LRGUK: variants seen among roughly 807,000 people sequenced by gnomAD.
LRGUK encodes leucine rich repeats and guanylate kinase domain containing.
Under a neutral mutation model 76.0 loss-of-function variants are expected in LRGUK, and 65 were observed. That is an observed-to-expected ratio of 0.85 (90% CI 0.70 to 1.05). LRGUK has a LOEUF of 1.05. LRGUK is among the 50% of genes least tolerant of loss of function. LRGUK has a pLI of 0.00. For missense variants in LRGUK, 758 were observed against 732.8 expected (o/e 1.03, Z -0.40); for synonymous variants, 268 against 265.6 (o/e 1.01, Z -0.09).
exon 14 of LRGUK, chr7:134,199,376 A>G: frequency 6.2e-7 from 1 of 1,613,822 alleles, no homozygotes; most frequent in Non-Finnish European, 8.5e-7. Flanking sequence ...TTATATTAAA[A>G]TTAATCAGAA....
At chr7:134,183,962 A>G (rs1799871734) in intron 11 of LRGUK, 109 bp downstream of exon 11, 3 of 1,396,342 alleles carry the variant, frequency 2.1e-6, no homozygotes, top group Non-Finnish European at 2.0e-6. Context: ...TATTAATTTT[A>G]AGCAATTTCA....
At chr7:134,188,745 A>G (rs1399963915) in intron 11 of LRGUK, among the ~76,000 whole-genome samples, 1 of 152,138 alleles carries the variant, frequency 6.6e-6, no homozygotes, top group Non-Finnish European at 1.5e-5. Context: ...CTACCCATTG[A>G]TAGAGCTCAC....
Position 134,263,834 on chromosome 7 carries a change from A to G in LRGUK, c.2348-11A>G. On this transcript the variant is annotated splice_polypyrimidine_tract_variant and intron_variant, in intron 19 of 19. Transcript: ENST00000285928. ...AGGGATTAACTATCTTTTTTTCTGA[A>G]TGTTTTACAGCACTACCTATACAAT... 1 of 1,592,630 alleles carries G rather than the reference A, an allele frequency of 6.3e-7. No individual in the cohort carries two copies. Among genetic ancestry groups the G allele is most frequent in the Non-Finnish European group, 8.5e-7 (1 of 1,171,046 alleles).
intron 1 of LRGUK, among the ~76,000 whole-genome samples, chr7:134,136,275 G>A (rs1014976170): frequency 2.6e-5 from 4 of 152,152 alleles, no homozygotes; most frequent in Non-Finnish European, 5.9e-5. Context: ...CTTGGTTCTT[G>A]TGATGTCTAT....
At chr7:134,274,199 G>A in the LRGUK span, among the ~76,000 whole-genome samples, 1 of 152,304 alleles carries the variant, frequency 6.6e-6, no homozygotes, top group East Asian at 1.9e-4. Context: ...TTGAAAGGTA[G>A]ATAATCACAT....
chr7:134,228,230 C>T (rs567261604), intron 16 of LRGUK, among the ~76,000 whole-genome samples: 54 of 152,198 alleles, frequency 3.5e-4, no homozygotes, highest in African/African-American at 1.3e-3. Context: ...TATTGCCAAC[C>T]TAGAATTTTG....
At chr7:134,199,512 C>A in intron 14 of LRGUK, 91 bp downstream of exon 14, 3 of 1,160,152 alleles carry the variant, frequency 2.6e-6, no homozygotes, top group East Asian at 2.4e-5. Context: ...TGGGTAAAAG[C>A]TATTTTTCTT....
chr7:134,186,826 G>C (rs1274608275), intron 11 of LRGUK, among the ~76,000 whole-genome samples: 6 of 152,196 alleles, frequency 3.9e-5, no homozygotes, highest in Non-Finnish European at 7.3e-5. Context: ...TGGCAAAACA[G>C]AATCCTAAAA....
At chr7:134,130,607 G>C (rs146660056) in intron 1 of LRGUK, among the ~76,000 whole-genome samples, 108 of 152,214 alleles carry the variant, frequency 7.1e-4, no homozygotes, top group African/African-American at 2.5e-3. Flanking sequence ...AGAAACATTT[G>C]GAAATTCATG....
At chr7:134,262,542 A>G (rs1487995385) in intron 19 of LRGUK, among the ~76,000 whole-genome samples, 1 of 152,154 alleles carries the variant, frequency 6.6e-6, no homozygotes, top group African/African-American at 2.4e-5. Flanking sequence ...CTGAGATGTA[A>G]TTTAGCTGGT....
chr7:134,152,361 G>T (rs550075404), intron 5 of LRGUK, among the ~76,000 whole-genome samples: 170 of 152,094 alleles, frequency 1.1e-3, no homozygotes, highest in Non-Finnish European at 1.6e-3. Context: ...CTATTTAAGG[G>T]TGTTGAAGAC....
chr7:134,241,521 T>C (rs1802152024), intron 16 of LRGUK, among the ~76,000 whole-genome samples: 1 of 152,208 alleles, frequency 6.6e-6, no homozygotes, highest in African/African-American at 2.4e-5. Context: ...TAAATATATA[T>C]GCAGCCAATA....
chr7:134,146,361 T>C (rs1797969945), intron 4 of LRGUK, among the ~76,000 whole-genome samples: 1 of 152,168 alleles, frequency 6.6e-6, no homozygotes, highest in Non-Finnish European at 1.5e-5. Context: ...ACAGATGTCA[T>C]ACTATGGCAC....
intron 18 of LRGUK, among the ~76,000 whole-genome samples, chr7:134,251,412 C>T (rs191602325): frequency 1.3e-5 from 2 of 152,210 alleles, no homozygotes; most frequent in Non-Finnish European, 1.5e-5. Flanking sequence ...CCTCACAGAC[C>T]CTGGAAGGAA....
At chr7:134,175,127 A>G (rs17167591) in intron 8 of LRGUK, among the ~76,000 whole-genome samples, 24,298 of 152,134 alleles carry the variant, frequency 0.16, 2,710 homozygotes, top group East Asian at 0.38. Flanking sequence ...TAATTATAGA[A>G]CAGAATAATA....
intron 16 of LRGUK, among the ~76,000 whole-genome samples, chr7:134,233,859 C>T (rs1009683260): frequency 1.3e-5 from 2 of 152,210 alleles, no homozygotes; most frequent in African/African-American, 2.4e-5. Context: ...AGGATCCTCA[C>T]GGCTCTAAAC....
intron 16 of LRGUK, among the ~76,000 whole-genome samples, chr7:134,229,384 A>G (rs1204966023): frequency 1.3e-5 from 2 of 149,876 alleles, no homozygotes; most frequent in Admixed American, 6.6e-5. Context: ...AAATCTATCT[A>G]TCTATCTATC....
At chr7:134,183,931 T>G in intron 11 of LRGUK, 78 bp downstream of exon 11, 1 of 1,520,184 alleles carries the variant, frequency 6.6e-7, no homozygotes, top group Non-Finnish European at 9.0e-7. Context: ...TAGTAAAATC[T>G]CCGATATTGC....
intron 4 of LRGUK, among the ~76,000 whole-genome samples, chr7:134,147,939 A>G (rs1798046024): frequency 6.6e-6 from 1 of 151,702 alleles, no homozygotes; most frequent in African/African-American, 2.4e-5. Context: ...GTGGGCACCT[A>G]TAATCCCAGC....
Sources: allele counts gnomAD v4.1 joint callset (sites outside exome capture counted in the v4.1 genomes callset), GRCh38; gene constraint gnomAD v4.1.1; transcripts MANE v1.5; gene names NCBI Gene and HGNC (gene_info 2026-07-23, HGNC 2026-07-21).